The following NEBL variants were observed in gnomAD, a reference collection of about 807,000 sequenced individuals.
The protein encoded by NEBL is nebulette, also known as LIM and SH3 protein 2.
NEBL carries 122 observed loss-of-function variants against 140.2 expected under a neutral mutation model. The observed-to-expected ratio is 0.87, with a 90% CI of 0.75 to 1.01. NEBL has a LOEUF of 1.01. Among genes scored for constraint, NEBL ranks in the 50% least tolerant of loss-of-function variants. NEBL has a pLI of 0.00. For missense variants in NEBL, 1,365 were observed against 1,231.3 expected, an observed-to-expected ratio of 1.11 and a Z score of -1.62; for synonymous variants, 436 against 398.9, an observed-to-expected ratio of 1.09 and a Z score of -1.11.
intron 3 of NEBL, among the ~76,000 whole-genome samples, chr10:21,188,442 T>G (rs1169928917): frequency 6.6e-6 from 1 of 152,182 alleles, no homozygotes; most frequent in Non-Finnish European, 1.5e-5. Context: ...TTGTCACAGT[T>G]TGGGAATTTA....
chr10:20,858,750 T>G (rs1843360088), intron 8 of NEBL, among the ~76,000 whole-genome samples: 1 of 152,208 alleles, frequency 6.6e-6, no homozygotes, highest in African/African-American at 2.4e-5. Flanking sequence ...TAAAGCAACT[T>G]TTTGAAAATA....
At chr10:21,211,174 G>A (rs1841909324) in intron 3 of NEBL, among the ~76,000 whole-genome samples, 1 of 152,090 alleles carries the variant, frequency 6.6e-6, no homozygotes, top group Admixed American at 6.6e-5. Flanking sequence ...ATCCTGGCAT[G>A]AAAACAATCA....
At chr10:21,193,820 A>C (rs1238577642) in intron 3 of NEBL, among the ~76,000 whole-genome samples, 1 of 152,178 alleles carries the variant, frequency 6.6e-6, no homozygotes, top group Non-Finnish European at 1.5e-5. Context: ...GTTGTTGTGG[A>C]GATTTCTTCA....
intron 1 of NEBL, among the ~76,000 whole-genome samples, chr10:21,265,570 T>C (rs567788102): frequency 6.6e-6 from 1 of 152,256 alleles, no homozygotes; most frequent in Admixed American, 6.5e-5. Context: ...CAAGGGCACA[T>C]AGTTTATAAT....
intron 2 of NEBL, among the ~76,000 whole-genome samples, chr10:21,149,580 C>T (rs540651019): frequency 2.3e-4 from 35 of 152,202 alleles, no homozygotes; most frequent in Non-Finnish European, 4.1e-4. Context: ...CATGAGCCAT[C>T]GCGCCCGACC....
At chr10:21,233,355 C>G (rs1208973340) in intron 3 of NEBL, among the ~76,000 whole-genome samples, 1 of 152,084 alleles carries the variant, frequency 6.6e-6, no homozygotes, top group Admixed American at 6.6e-5. Flanking sequence ...GCCTCAACCA[C>G]TTCTCTTGAC....
chr10:20,991,353 AGT>A (rs1166650058), intron 3 of NEBL, among the ~76,000 whole-genome samples: 1 of 152,160 alleles, frequency 6.6e-6, no homozygotes, highest in Non-Finnish European at 1.5e-5. Flanking sequence ...TTTTTATGAC[AGT>A]GTTATAAACA....
chr10:21,036,811 G>T (rs1417935455), intron 2 of NEBL, among the ~76,000 whole-genome samples: 2 of 152,262 alleles, frequency 1.3e-5, no homozygotes, highest in African/African-American at 4.8e-5. Context: ...TGAGGCCAGA[G>T]ATGAGGAATA....
chr10:21,160,223 G>A (rs912809735), intron 2 of NEBL, among the ~76,000 whole-genome samples: 3 of 151,616 alleles, frequency 2.0e-5, no homozygotes, highest in South Asian at 2.1e-4. Context: ...TTCTTTCAAC[G>A]TCTGCCAAAC....
rs1000241612 is a variant in NEBL, at chr10:20,926,880, C to T, written c.357+34792G>A. On this transcript the variant is annotated intron_variant, in intron 4 of 6. Transcript: ENST00000417816. Reference sequence around the variant, plus strand: ...CACAACCTATGAATATTCCCATCAACTAAGCACAAGCTCTCAGCTAAGACC... The same window carrying T: ...CACAACCTATGAATATTCCCATCAATTAAGCACAAGCTCTCAGCTAAGACC... Among the ~76,000 whole-genome samples, 7 of 152,206 alleles carry T rather than the reference C, an allele frequency of 4.6e-5. No homozygotes were observed. In the East Asian group the frequency reaches 1.3e-3, roughly 29 times the overall value.
intron 3 of NEBL, among the ~76,000 whole-genome samples, chr10:21,205,483 T>A (rs1011109591): frequency 6.6e-6 from 1 of 152,290 alleles, no homozygotes; most frequent in African/African-American, 2.4e-5. Flanking sequence ...CTATTAAAAG[T>A]GACATTGCAG....
At chr10:21,176,934 T>C (rs563806145), upstream of NEBL, among the ~76,000 whole-genome samples, 1 of 152,382 alleles carries the variant, frequency 6.6e-6, no homozygotes, top group Non-Finnish European at 1.5e-5. Context: ...TTATTCAGGC[T>C]ACATAAATTG....
At chr10:20,834,371 C>T (rs979577155) in intron 14 of NEBL, among the ~76,000 whole-genome samples, 1 of 152,142 alleles carries the variant, frequency 6.6e-6, no homozygotes, top group African/African-American at 2.4e-5. Context: ...TTTCAAGTTC[C>T]TCATGCTCCT....
At chr10:20,849,768 T>G (rs1358226335) in intron 11 of NEBL, among the ~76,000 whole-genome samples, 4 of 152,166 alleles carry the variant, frequency 2.6e-5, no homozygotes, top group African/African-American at 4.8e-5. Flanking sequence ...GACTAAAATA[T>G]AAACTAAAGA....
intron 3 of NEBL, among the ~76,000 whole-genome samples, chr10:21,237,710 A>C (rs530480989): frequency 6.6e-6 from 1 of 151,890 alleles, no homozygotes; most frequent in Non-Finnish European, 1.5e-5. Context: ...GGGTTCAAGA[A>C]ATTCTCCTGC....
intron 9 of NEBL, among the ~76,000 whole-genome samples, chr10:20,857,990 C>T (rs1843259338): frequency 6.6e-6 from 1 of 152,076 alleles, no homozygotes. Context: ...GATGGAAAGG[C>T]CACTGTGCAG....
At chr10:21,045,928 CA>C (rs1742181708) in intron 2 of NEBL, among the ~76,000 whole-genome samples, 1 of 152,148 alleles carries the variant, frequency 6.6e-6, no homozygotes, top group Non-Finnish European at 1.5e-5. Flanking sequence ...GCATGTTTAT[CA>C]CAGCACTATT....
intron 2 of NEBL, among the ~76,000 whole-genome samples, chr10:21,142,140 C>G (rs1839660911): frequency 1.3e-5 from 2 of 152,128 alleles, no homozygotes; most frequent in South Asian, 4.2e-4. Flanking sequence ...GGTAATATAA[C>G]CCACTATTCC....
Position 20,858,258 on chromosome 10 carries a change from G to A in NEBL, c.885C>T (p.Ala295=). Reference sequence around the variant, plus strand: ...CACTTACGCCGCTGAGCATTTTGCTGGCTTTCAAAACATGGTCTAAAAACA... The same window carrying A: ...CACTTACGCCGCTGAGCATTTTGCTAGCTTTCAAAACATGGTCTAAAAACA... ...NLLFLDHVLK[A]SKMLSGREYK... The change falls in exon 9 of 28, where the codon GCC becomes GCT. Residue 295 remains alanine, a synonymous_variant. Coordinates refer to ENST00000377122, the MANE Select transcript of NEBL (RefSeq NM_006393.3). The A allele has an allele frequency of 6.2e-7, 1 of 1,607,494 alleles. No individual in the cohort carries two copies. The highest frequency in any genetic ancestry group is 8.5e-7 in the Non-Finnish European group (1 of 1,174,006).
Sources: allele counts gnomAD v4.1 joint callset (sites outside exome capture counted in the v4.1 genomes callset), GRCh38; gene constraint gnomAD v4.1.1; transcripts MANE v1.5; gene names NCBI Gene and HGNC (gene_info 2026-07-23, HGNC 2026-07-21).